The following RAB37 variants were observed in gnomAD, a reference collection of about 807,000 sequenced individuals.
The protein encoded by RAB37 is ras-related protein Rab-37.
Under a neutral mutation model 33.1 loss-of-function variants are expected in RAB37, and 29 were observed. The observed-to-expected ratio is 0.88, with a 90% CI of 0.65 to 1.20. The LOEUF is 1.20. Ranked by LOEUF, RAB37 falls within the 50% of genes most tolerant of loss-of-function variation. The pLI is 0.00. For synonymous variants in RAB37, 128 were observed against 119.5 expected (o/e 1.07, Z -0.47); for missense variants, 299 against 301.1 (o/e 0.99, Z 0.05).
rs892029740 is a variant in RAB37, at chr17:74,712,733, A to G, written c.73-16523A>G. 11 of 1,332,088 alleles carry G rather than the reference A, an allele frequency of 8.3e-6. No homozygotes were observed. The African/African-American group carries it at 1.3e-4, about 16-fold the overall frequency. The allele number at this position is 1,332,088 out of a possible 1,614,324, so 82.5% of individuals were successfully genotyped here. ...ACGCACAAGGCTCATGCCATTAAGG[A>G]CACCTTCTGGCCGGGTCCCTTCTTC... is the stretch of plus-strand genomic sequence containing the variant. On this transcript the variant is annotated intron_variant, in intron 1 of 7. Transcript: ENST00000340415.
At position 74,671,572 on chromosome 17, in the gene RAB37, A is replaced by G. The variant is rs370923315; in HGVS notation, c.-15A>G. The G allele has an allele frequency of 9.3e-6, 15 of 1,613,838 alleles. No individual in the cohort carries two copies. The African/African-American group carries it at 1.9e-4, about 20-fold the overall frequency. Reference sequence around the variant, plus strand: ...GAGCGCAGGGAGAGCCGGAGCGGCGAGCTCCAAGCCTGGCATGGACCTGCA... The same window carrying G: ...GAGCGCAGGGAGAGCCGGAGCGGCGGGCTCCAAGCCTGGCATGGACCTGCA... On this transcript the variant is annotated 5_prime_UTR_variant, in exon 1 of 8. Coordinates refer to the RAB37 transcript ENST00000340415. The surrounding 1 kb of genome is among the most constrained non-coding windows in gnomAD (Gnocchi z 5.0).
intron 1 of RAB37, chr17:74,705,374 T>C (rs886644888): frequency 1.4e-5 from 9 of 646,846 alleles, no homozygotes; most frequent in Admixed American, 6.3e-5. Context: ...CTGGTCTCCA[T>C]GTGCTATAGG....
At chr17:74,728,417 T>C (rs2034334499) in intron 1 of RAB37, among the ~76,000 whole-genome samples, 1 of 152,100 alleles carries the variant, frequency 6.6e-6, no homozygotes, top group Non-Finnish European at 1.5e-5. Flanking sequence ...GTTCTTTCTA[T>C]GTGTGCATGT....
rs532252624 is a variant in RAB37, at chr17:74,700,584, T to C, written c.73-28672T>C. Among the ~76,000 whole-genome samples, 74 of 152,126 alleles carry C rather than the reference T, an allele frequency of 4.9e-4. 2 individuals carry two copies. The highest frequency in any genetic ancestry group is 1.2e-3 in the East Asian group (6 of 5,168). ...GGCAAAACCCCATCTCTACTAAAAATACAAAATAACAGCCGGGTGTGGTGG... is the reference window on the plus strand; with the variant it reads ...GGCAAAACCCCATCTCTACTAAAAACACAAAATAACAGCCGGGTGTGGTGG... On this transcript the variant is annotated intron_variant, in intron 1 of 7. Transcript: ENST00000340415.
At chr17:74,724,320 T>G (rs927403076) in intron 1 of RAB37, among the ~76,000 whole-genome samples, 1 of 152,232 alleles carries the variant, frequency 6.6e-6, no homozygotes, top group Non-Finnish European at 1.5e-5. Context: ...CACAGATAGT[T>G]GCATTCTTTT....
At chr17:74,709,336 G>A (rs2033779209) in intron 1 of RAB37, among the ~76,000 whole-genome samples, 1 of 152,090 alleles carries the variant, frequency 6.6e-6, no homozygotes, top group Non-Finnish European at 1.5e-5. Flanking sequence ...AGGAATCAAC[G>A]CTCATTCATG....
intron 1 of RAB37, among the ~76,000 whole-genome samples, chr17:74,709,866 C>A (rs2033821980): frequency 6.6e-6 from 1 of 152,098 alleles, no homozygotes; most frequent in African/African-American, 2.4e-5. Context: ...AGCCATCATG[C>A]ATCACCAGCC....
chr17:74,705,201 T>TA, intron 1 of RAB37: 1 of 702,012 alleles, frequency 1.4e-6, no homozygotes, highest in South Asian at 1.5e-5. Flanking sequence ...CACAGGGTCT[T>TA]ACCTTGACTC....
In RAB37 at chr17:74,745,182, G is replaced by A. The variant is rs2144094023; in HGVS notation, c.566+98G>A. 1.3e-6 allele frequency: 2 copies of A among 1,537,504 alleles called. No homozygotes were observed. Among genetic ancestry groups the A allele is most frequent in the Admixed American group, 1.7e-5 (1 of 59,126 alleles). The stretch of plus-strand genomic sequence containing the variant: ...CCTGGCCCAGCCCCTGGACACACCT[G>A]CATTCTGCAGGCTGAGGTCCATTTG... On this transcript the variant is annotated intron_variant, in intron 8 of 8. Transcript: ENST00000392613. This position sits in a 1 kb window ranked among gnomAD's most constrained non-coding sequence, Gnocchi z 4.5.
chr17:74,733,378 T>C (rs1207675617), upstream of RAB37, among the ~76,000 whole-genome samples: 1 of 131,334 alleles, frequency 7.6e-6, no homozygotes, highest in Non-Finnish European at 1.6e-5. Context: ...GTGAGGCAGA[T>C]GTGTGTGGTA....
chr17:74,735,007 A>AAGGT (rs1416248521), upstream of RAB37, among the ~76,000 whole-genome samples: 48 of 87,642 alleles, frequency 5.5e-4, no homozygotes, highest in African/African-American at 2.4e-3. Flanking sequence ...AAGAAAAAGA[A>AAGGT]AGGAAGGAAG....
At chr17:74,672,194 C>T (rs1399616359) in intron 1 of RAB37, among the ~76,000 whole-genome samples, 1 of 152,178 alleles carries the variant, frequency 6.6e-6, no homozygotes, top group Non-Finnish European at 1.5e-5. Context: ...CTAACATATC[C>T]ATTGCTTCCT....
chr17:74,678,256 G>C (rs1598178075), intron 1 of RAB37, among the ~76,000 whole-genome samples: 2 of 152,084 alleles, frequency 1.3e-5, no homozygotes, highest in African/African-American at 4.8e-5. Context: ...CTTAACCAGA[G>C]GAGGTTTTCT....
chr17:74,735,167 G>A (rs1188839707), upstream of RAB37, among the ~76,000 whole-genome samples: 2 of 136,742 alleles, frequency 1.5e-5, no homozygotes, highest in African/African-American at 5.4e-5. Flanking sequence ...AGGAAAGAAG[G>A]AAGGAAGGGA....
intron 1 of RAB37, among the ~76,000 whole-genome samples, chr17:74,674,669 C>G (rs539384127): frequency 6.6e-6 from 1 of 152,196 alleles, no homozygotes; most frequent in Admixed American, 6.5e-5. Context: ...CAGAGCAAGA[C>G]TCCATCTCAA....
intron 1 of RAB37, among the ~76,000 whole-genome samples, chr17:74,739,042 C>G (rs1567814379): frequency 6.6e-6 from 1 of 152,154 alleles, no homozygotes. Flanking sequence ...AAATCAAGAC[C>G]CATCCTTCAT....
At chr17:74,720,943 G>A (rs2034231100) in intron 1 of RAB37, among the ~76,000 whole-genome samples, 1 of 152,184 alleles carries the variant, frequency 6.6e-6, no homozygotes, top group Admixed American at 6.5e-5. Flanking sequence ...CCTGAAGCCT[G>A]GCTGGAGATA....
intron 1 of RAB37, among the ~76,000 whole-genome samples, chr17:74,716,712 AAGAG>A (rs372536172): frequency 1.5e-4 from 22 of 149,050 alleles, no homozygotes; most frequent in Non-Finnish European, 2.4e-4. Context: ...GGGGCAGAGA[AAGAG>A]AGAGAGAGAG....
At chr17:74,703,096 G>A (rs2033210899) in intron 1 of RAB37, 3 of 1,614,034 alleles carry the variant, frequency 1.9e-6, no homozygotes, top group Non-Finnish European at 2.5e-6. Flanking sequence ...TGGGTGACTG[G>A]TGCTGTAAAC....
Sources: gnomAD v4.1 joint callset for allele counts (sites outside exome capture counted in the v4.1 genomes callset) on GRCh38, gnomAD v4.1.1 for gene constraint, Gnocchi (gnomAD v3.1) non-coding constraint, MANE v1.5 for transcripts, NCBI Gene and HGNC (gene_info 2026-07-23, HGNC 2026-07-21) for gene names.